The following PHC3 variants were observed in gnomAD, a reference collection of about 807,000 sequenced individuals.
PHC3 encodes polyhomeotic homolog 3, also known as polyhomeotic-like protein 3.
PHC3 carries 13 observed loss-of-function variants against 107.4 expected under a neutral mutation model. The ratio of observed to expected loss-of-function variants is 0.12; its 90% CI spans 0.08 to 0.19. The LOEUF is 0.19. Among genes scored for constraint, PHC3 ranks in the 10% least tolerant of loss-of-function variants. PHC3 has a pLI of 1.00. For synonymous variants in PHC3, 456 were observed against 427.4 expected, an observed-to-expected ratio of 1.07 and a Z score of -0.83; for missense variants, 992 against 1,210.9, an observed-to-expected ratio of 0.82 and a Z score of 2.68.
Position 170,096,333 on chromosome 3 carries a change from T to C in PHC3, c.*897A>G, listed in dbSNP as rs1714641325. ...TTTGGGTGAAAACAATATTTATCAC[T>C]CCTTCTATATCAGAGTTTCTCAACC... On this transcript the variant is annotated 3_prime_UTR_variant, in exon 15 of 15. Coordinates refer to ENST00000495893, the MANE Select transcript of PHC3 (RefSeq NM_024947.4). The C allele has an allele frequency of 6.6e-6, 1 of 152,160 alleles. No homozygotes were observed. Among genetic ancestry groups the C allele is most frequent in the African/African-American group, 2.4e-5 (1 of 41,432 alleles). 9.4% of individuals were successfully genotyped at this position (152,160 alleles called of 1,614,324 possible). A position where few individuals can be genotyped will look rare whatever the true frequency, so the allele number is the denominator to read the frequency against.
intron 1 of PHC3, among the ~76,000 whole-genome samples, chr3:170,180,647 G>A (rs1256081475): frequency 6.6e-6 from 1 of 151,442 alleles, no homozygotes; most frequent in Non-Finnish European, 1.5e-5. Context: ...AGTATTAGTG[G>A]TAGGTAAGGT....
intron 6 of PHC3, among the ~76,000 whole-genome samples, chr3:170,144,692 A>G (rs970452315): frequency 6.6e-6 from 1 of 152,076 alleles, no homozygotes; most frequent in Non-Finnish European, 1.5e-5. Flanking sequence ...GTGTATGGTG[A>G]TACTCATTGT....
chr3:170,175,220 A>C (rs1730232189), intron 2 of PHC3, among the ~76,000 whole-genome samples: 1 of 152,218 alleles, frequency 6.6e-6, no homozygotes, highest in African/African-American at 2.4e-5. Context: ...TGGGAGAAGC[A>C]ATTCTATGGT....
At chr3:170,180,263 T>G (rs576469503) in intron 1 of PHC3, among the ~76,000 whole-genome samples, 6 of 151,410 alleles carry the variant, frequency 4.0e-5, no homozygotes, top group Admixed American at 3.9e-4. Flanking sequence ...CTGGGCAACA[T>G]AGGGAAACCC....
intron 4 of PHC3, among the ~76,000 whole-genome samples, chr3:170,160,237 C>T (rs1396047600): frequency 3.3e-5 from 5 of 152,182 alleles, no homozygotes; most frequent in African/African-American, 9.7e-5. Flanking sequence ...CATGATCTCA[C>T]GGTGAGACCT....
At chr3:170,170,412 A>G (rs148010050) in intron 4 of PHC3, 1 of 150,206 alleles carries the variant, frequency 6.7e-6, no homozygotes, top group Non-Finnish European at 1.5e-5. Context: ...CATCCTATAA[A>G]TTACACGATA....
chr3:170,170,144 C>T (rs973518122), intron 4 of PHC3: 3 of 151,988 alleles, frequency 2.0e-5, no homozygotes, highest in Non-Finnish European at 2.9e-5. Context: ...AAGACCATAC[C>T]CTTAGCTGAA....
At chr3:170,115,947 T>C (rs1460816061) in intron 10 of PHC3, among the ~76,000 whole-genome samples, 1 of 151,844 alleles carries the variant, frequency 6.6e-6, no homozygotes, top group African/African-American at 2.4e-5. Flanking sequence ...CTATCTATCA[T>C]AATGCAAGAT....
At chr3:170,107,185 A>C (rs542033052) in intron 11 of PHC3, among the ~76,000 whole-genome samples, 1 of 151,864 alleles carries the variant, frequency 6.6e-6, no homozygotes, top group Non-Finnish European at 1.5e-5. Context: ...TAACATTTTA[A>C]AAGGTTCATC....
chr3:170,107,551 G>A (rs1420668484), intron 11 of PHC3, among the ~76,000 whole-genome samples: 2 of 152,126 alleles, frequency 1.3e-5, no homozygotes, highest in African/African-American at 2.4e-5. Context: ...TGAGACCAGT[G>A]TGGGCAGCAT....
In PHC3 at chr3:170,179,495, CT is replaced by C. The variant is rs961395017; in HGVS notation, c.15-558del. Among the ~76,000 whole-genome samples, 12 of 152,248 alleles carry C rather than the reference CT, an allele frequency of 7.9e-5. 1 individual carries two copies. Among genetic ancestry groups the C allele is most frequent in the Admixed American group, 7.2e-4 (11 of 15,294 alleles). ...TTTTTAACTCACACTGGCTTTTCCC[CT>C]AATCAGTCTACAACGCTGTCCTTAC... On this transcript the variant is annotated intron_variant, in intron 1 of 14. Coordinates refer to ENST00000495893, the MANE Select transcript of PHC3 (RefSeq NM_024947.4).
At chr3:170,157,927 C>T (rs141851601) in intron 4 of PHC3, among the ~76,000 whole-genome samples, 1,852 of 151,434 alleles carry the variant, frequency 0.012, 40 homozygotes, top group African/African-American at 0.042. Context: ...AGCAAAAAGA[C>T]AGAAAAATTA....
rs1363835710 is a variant in PHC3 at position 170,094,276 on chromosome 3, A to G, written c.*2954T>C. The G allele has an allele frequency of 1.3e-5, 2 of 152,240 alleles. No homozygotes were observed. The highest frequency in any genetic ancestry group is 4.8e-5 in the African/African-American group (2 of 41,472). 9.4% of individuals were successfully genotyped at this position (152,240 alleles called of 1,614,324 possible). On this transcript the variant is annotated 3_prime_UTR_variant, in exon 15 of 15. Coordinates refer to ENST00000495893, the MANE Select transcript of PHC3 (RefSeq NM_024947.4). ...GATGAATATTAATGTCATATAAAAA[A>G]TAATTTTTACAAATCAGCTCTCTTA...
intron 5 of PHC3, among the ~76,000 whole-genome samples, chr3:170,146,521 T>G (rs1189351319): frequency 6.7e-6 from 1 of 148,510 alleles, no homozygotes; most frequent in Non-Finnish European, 1.5e-5. Context: ...TTCCTTTTTT[T>G]TCCTTTTCTT....
intron 7 of PHC3, among the ~76,000 whole-genome samples, chr3:170,135,453 A>ATT (rs34583743): frequency 3.4e-5 from 5 of 148,324 alleles, no homozygotes; most frequent in Non-Finnish European, 3.0e-5. Flanking sequence ...ACCCGCCCAG[A>ATT]TTTTTTTTTT....
At chr3:170,113,335 G>A (rs771922871) in intron 11 of PHC3, 25 bp downstream of exon 11, 2 of 1,569,388 alleles carry the variant, frequency 1.3e-6, no homozygotes, top group Admixed American at 3.8e-5. Flanking sequence ...TAAATTAAAG[G>A]GTATCTTAAG....
chr3:170,165,644 C>T (rs1728607367), intron 4 of PHC3, among the ~76,000 whole-genome samples: 1 of 148,868 alleles, frequency 6.7e-6, no homozygotes, highest in South Asian at 2.1e-4. Flanking sequence ...ATTCCAGCTA[C>T]TTGGGAGGGT....
rs148464100 is a variant in PHC3 at position 170,167,982 on chromosome 3, G to A, written c.414+3391C>T. ...GACCAGTCTGCCTGGGGAACACAGC[G>A]AGACCTCAACTCTAATAAAAATTTT... On this transcript the variant is annotated intron_variant, in intron 4 of 14. Coordinates refer to ENST00000495893, the MANE Select transcript of PHC3 (RefSeq NM_024947.4). Among the ~76,000 whole-genome samples the A allele has an allele frequency of 5.2e-3, 787 of 151,896 alleles. 2 individuals are homozygous for A. Among genetic ancestry groups the A allele is most frequent in the Non-Finnish European group, 7.5e-3 (510 of 67,956 alleles).
At chr3:170,168,864 T>C (rs1729152782) in intron 4 of PHC3, among the ~76,000 whole-genome samples, 3 of 151,700 alleles carry the variant, frequency 2.0e-5, no homozygotes, top group East Asian at 1.9e-4. Context: ...TCGTTACCTA[T>C]ACATTCAATT....
Sources: gnomAD v4.1 joint callset for allele counts (sites outside exome capture counted in the v4.1 genomes callset) on GRCh38, gnomAD v4.1.1 for gene constraint, MANE v1.5 for transcripts, NCBI Gene and HGNC (gene_info 2026-07-23, HGNC 2026-07-21) for gene names.